The following LINGO2 variants were observed in gnomAD, a reference collection of about 807,000 sequenced individuals.
LINGO2 encodes leucine-rich repeat and immunoglobulin-like domain-containing nogo receptor-interacting protein 2.
LINGO2 carries 14 observed loss-of-function variants against 30.6 expected under a neutral mutation model. The ratio of observed to expected loss-of-function variants is 0.46; its 90% CI spans 0.30 to 0.72. The LOEUF (loss-of-function observed/expected upper bound fraction) is 0.72, where lower values mean the gene tolerates loss of function less well. Among genes scored for constraint, LINGO2 ranks in the 30% least tolerant of loss-of-function variants. The pLI is 0.07. For synonymous variants in LINGO2, 317 were observed against 288.5 expected (o/e 1.10, Z -1.00); for missense variants, 729 against 751.7 (o/e 0.97, Z 0.35).
intron 4 of LINGO2, among the ~76,000 whole-genome samples, chr9:28,220,555 G>A (rs1200956134): frequency 4.6e-5 from 7 of 152,208 alleles, no homozygotes; most frequent in African/African-American, 1.4e-4. Flanking sequence ...CTCTGAATAC[G>A]GCTTAAAAAG....
chr9:28,838,089 G>A, the LINGO2 span, among the ~76,000 whole-genome samples: 1 of 152,032 alleles, frequency 6.6e-6, no homozygotes, highest in Non-Finnish European at 1.5e-5. Context: ...TACCCTAGGG[G>A]TCCACAGGTC....
At chr9:29,151,966 G>C in the LINGO2 span, among the ~76,000 whole-genome samples, 1 of 152,094 alleles carries the variant, frequency 6.6e-6, no homozygotes, top group African/African-American at 2.4e-5. Context: ...AATATGTTCT[G>C]AGATTGAACA....
the LINGO2 span, among the ~76,000 whole-genome samples, chr9:28,690,970 G>A: frequency 6.6e-6 from 1 of 152,182 alleles, no homozygotes; most frequent in Non-Finnish European, 1.5e-5. Flanking sequence ...CAAGGTTGAT[G>A]GTAGATGGTG....
At chr9:28,240,340 A>T (rs1300903908) in intron 4 of LINGO2, among the ~76,000 whole-genome samples, 1 of 152,180 alleles carries the variant, frequency 6.6e-6, no homozygotes, top group Non-Finnish European at 1.5e-5. Context: ...GAGTAAAAAG[A>T]AAAAACTGGA....
intron 2 of LINGO2, among the ~76,000 whole-genome samples, chr9:28,394,162 G>C (rs1821951121): frequency 6.6e-6 from 1 of 152,148 alleles, no homozygotes. Flanking sequence ...AGTGCTCATA[G>C]GATTAACAGG....
At chr9:28,018,822 C>G (rs949988518) in intron 4 of LINGO2, among the ~76,000 whole-genome samples, 3 of 152,206 alleles carry the variant, frequency 2.0e-5, no homozygotes, top group African/African-American at 7.2e-5. Flanking sequence ...CCATTTGACC[C>G]AGCAACCCAT....
chr9:28,440,141 C>G (rs1824134469), intron 2 of LINGO2, among the ~76,000 whole-genome samples: 1 of 152,066 alleles, frequency 6.6e-6, no homozygotes, highest in South Asian at 2.1e-4. Flanking sequence ...TTGTTTTCCT[C>G]AAAACCCTGA....
the LINGO2 span, among the ~76,000 whole-genome samples, chr9:29,116,894 C>T: frequency 6.6e-6 from 1 of 152,056 alleles, no homozygotes; most frequent in Non-Finnish European, 1.5e-5. Flanking sequence ...GAATATTTTA[C>T]ATAATGCCAT....
At chr9:29,105,395 G>A in the LINGO2 span, among the ~76,000 whole-genome samples, 2 of 152,136 alleles carry the variant, frequency 1.3e-5, no homozygotes, top group African/African-American at 4.8e-5. Context: ...AAAGGAAGAT[G>A]AATTTTTCTA....
chr9:28,113,273 T>G (rs1826835662), intron 4 of LINGO2, among the ~76,000 whole-genome samples: 1 of 67,728 alleles, frequency 1.5e-5, no homozygotes, highest in Non-Finnish European at 2.7e-5. Context: ...GATCTATATC[T>G]CTGTTTTGGT....
intron 4 of LINGO2, among the ~76,000 whole-genome samples, chr9:28,175,570 T>C (rs923553761): frequency 3.9e-5 from 6 of 152,196 alleles, no homozygotes; most frequent in African/African-American, 1.4e-4. Flanking sequence ...TTTGTTATTA[T>C]TCATGTAATA....
the LINGO2 span, among the ~76,000 whole-genome samples, chr9:28,967,324 T>G: frequency 2.0e-5 from 3 of 152,160 alleles, no homozygotes; most frequent in Admixed American, 2.0e-4. Context: ...AGAATTTAAC[T>G]GAAGCAATAT....
chr9:28,613,732 G>C (rs781767341), intron 1 of LINGO2, among the ~76,000 whole-genome samples: 29 of 152,228 alleles, frequency 1.9e-4, no homozygotes, highest in Non-Finnish European at 4.3e-4. Context: ...TACTGCCAAA[G>C]ACTGATTCTG....
At chr9:28,663,377 G>C (rs1828662654) in intron 1 of LINGO2, among the ~76,000 whole-genome samples, 1 of 152,066 alleles carries the variant, frequency 6.6e-6, no homozygotes, top group African/African-American at 2.4e-5. Flanking sequence ...CACCATATTG[G>C]TCATGCTGGG....
intron 5 of LINGO2, among the ~76,000 whole-genome samples, chr9:27,996,147 G>T (rs997822169): frequency 1.3e-5 from 2 of 152,076 alleles, no homozygotes; most frequent in East Asian, 1.9e-4. Context: ...ACAGATACTG[G>T]TAAGGATGTT....
the LINGO2 span, among the ~76,000 whole-genome samples, chr9:29,019,912 C>T: frequency 6.6e-6 from 1 of 152,084 alleles, no homozygotes; most frequent in Non-Finnish European, 1.5e-5. Flanking sequence ...CAACAATGCT[C>T]AGTGGGGAGA....
At chr9:28,685,539 G>C in the LINGO2 span, among the ~76,000 whole-genome samples, 1 of 151,806 alleles carries the variant, frequency 6.6e-6, no homozygotes, top group Non-Finnish European at 1.5e-5. Context: ...GCTTTTATTT[G>C]AATCTATTAT....
chr9:28,569,364 C>A (rs1160845284), intron 1 of LINGO2, among the ~76,000 whole-genome samples: 1 of 151,388 alleles, frequency 6.6e-6, no homozygotes, highest in African/African-American at 2.4e-5. Context: ...TGATTCGTAA[C>A]AGCCAAGATC....
At chr9:29,186,995 A>C in the LINGO2 span, among the ~76,000 whole-genome samples, 4 of 152,158 alleles carry the variant, frequency 2.6e-5, no homozygotes, top group African/African-American at 9.7e-5. Context: ...ACACACACAA[A>C]TTTCAACTAC....
Sources: gnomAD v4.1 joint callset for allele counts (sites outside exome capture counted in the v4.1 genomes callset) on GRCh38, gnomAD v4.1.1 for gene constraint, MANE v1.5 for transcripts, NCBI Gene and HGNC (gene_info 2026-07-23, HGNC 2026-07-21) for gene names.